PPARG: variants seen among roughly 807,000 people sequenced by gnomAD.
PPARG encodes peroxisome proliferator activated receptor gamma.
Under a neutral mutation model 39.2 loss-of-function variants are expected in PPARG, and 17 were observed. That is an observed-to-expected ratio of 0.43 (90% CI 0.30 to 0.65). The LOEUF is 0.65. Ranked by LOEUF, PPARG falls within the 30% of genes least tolerant of loss-of-function variation. The pLI is 0.13. For missense variants in PPARG, 406 were observed against 585.9 expected, an observed-to-expected ratio of 0.69 and a Z score of 3.17; for synonymous variants, 223 against 215.7, an observed-to-expected ratio of 1.03 and a Z score of -0.30.
At chr3:12,287,966 G>C (rs2046549766), upstream of PPARG, 1 of 150,318 alleles carries the variant, frequency 6.7e-6, no homozygotes, top group Non-Finnish European at 1.5e-5. Context: ...CGCCTGGGGC[G>C]CTTGGGTCGG....
At position 12,350,868 on chromosome 3, in the gene PPARG, G is replaced by T. The variant is rs545319806; in HGVS notation, c.-8-28836G>T. ...CTGAAGTTTTTAAGAAAGCAAACCC[G>T]ATGTATAAAATTGAAACCATATCAA... On this transcript the variant is annotated intron_variant, in intron 2 of 7. Coordinates refer to ENST00000651735, the MANE Select transcript of PPARG (RefSeq NM_138711.6). Among the ~76,000 whole-genome samples, 5 of 152,228 alleles carry T rather than the reference G, an allele frequency of 3.3e-5. No homozygotes were observed. In the South Asian group the frequency reaches 1.0e-3, roughly 32 times the overall value.
intron 2 of PPARG, among the ~76,000 whole-genome samples, chr3:12,334,031 A>G (rs1423825312): frequency 6.6e-6 from 1 of 152,164 alleles, no homozygotes; most frequent in African/African-American, 2.4e-5. Context: ...GCAATTCTTA[A>G]TTCAAATCAT....
intron 2 of PPARG, among the ~76,000 whole-genome samples, chr3:12,359,401 A>C (rs2125112837): frequency 6.6e-6 from 1 of 152,312 alleles, no homozygotes; most frequent in East Asian, 1.9e-4. Context: ...GTTGATACAA[A>C]GAAAACATTA....
At chr3:12,422,881 CAA>C (rs11287877) in intron 7 of PPARG, among the ~76,000 whole-genome samples, 34 of 140,964 alleles carry the variant, frequency 2.4e-4, no homozygotes, top group South Asian at 2.3e-4. Flanking sequence ...GATCCTGTCT[CAA>C]AAAAAAAAAA....
chr3:12,379,763 G>C lies in PPARG; in HGVS notation c.52G>C (p.Val18Leu). 1 of 1,613,976 alleles carries C rather than the reference G, an allele frequency of 6.2e-7. No individual in the cohort carries two copies. Among genetic ancestry groups the C allele is most frequent in the South Asian group, 1.1e-5 (1 of 91,086 alleles). ...GCCCACCAACTTTGGGATCAGCTCC[G>C]TGGATCTCTCCGTAATGGAAGACCA... The part of the protein sequence containing the change: ...FWPTNFGISS[V>L]DLSVMEDHSH... The change falls in exon 3 of 8, where the codon GTG becomes CTG. Residue 18 changes from valine (V) to leucine (L), a missense_variant. By Grantham distance (32) the Val-to-Leu change is conservative. Transcript: ENST00000651735.
At chr3:12,292,636 T>C (rs1422513298) in intron 1 of PPARG, among the ~76,000 whole-genome samples, 1 of 152,230 alleles carries the variant, frequency 6.6e-6, no homozygotes, top group Non-Finnish European at 1.5e-5. Context: ...TAATAAATTT[T>C]AAATTCTTCG....
chr3:12,308,730 C>A (rs1035198059), intron 1 of PPARG, among the ~76,000 whole-genome samples: 1 of 151,944 alleles, frequency 6.6e-6, no homozygotes, highest in African/African-American at 2.4e-5. Flanking sequence ...AATTGGCAAA[C>A]ACTACCAATC....
intron 4 of PPARG, among the ~76,000 whole-genome samples, chr3:12,384,781 G>A (rs1047687499): frequency 1.3e-5 from 2 of 152,118 alleles, no homozygotes; most frequent in Non-Finnish European, 2.9e-5. Context: ...GCTACATGAT[G>A]TAGGATGATG....
intron 7 of PPARG, among the ~76,000 whole-genome samples, chr3:12,425,279 C>G (rs755460465): frequency 6.6e-6 from 1 of 152,168 alleles, no homozygotes; most frequent in African/African-American, 2.4e-5. Flanking sequence ...TTGGGGACTT[C>G]ATGTGTTTAG....
intron 7 of PPARG, 85 bp from the exon 8 acceptor site, chr3:12,433,813 G>T (rs2051754620): frequency 6.3e-7 from 1 of 1,594,524 alleles, no homozygotes; most frequent in African/African-American, 1.3e-5. Context: ...GAGTTGCTTG[G>T]TAGAGCTGCC....
chr3:12,415,035 A>G (rs1257024621), intron 6 of PPARG, among the ~76,000 whole-genome samples: 1 of 152,242 alleles, frequency 6.6e-6, no homozygotes, highest in Non-Finnish European at 1.5e-5. Flanking sequence ...AGAGTTCCAT[A>G]GATATGAATA....
intron 2 of PPARG, among the ~76,000 whole-genome samples, chr3:12,342,314 T>C (rs1025177350): frequency 6.6e-6 from 1 of 152,144 alleles, no homozygotes; most frequent in African/African-American, 2.4e-5. Context: ...AATTAGTCAG[T>C]GGCCTTAAAA....
chr3:12,375,462 A>C (rs2049373896), intron 2 of PPARG, among the ~76,000 whole-genome samples: 1 of 152,238 alleles, frequency 6.6e-6, no homozygotes, highest in South Asian at 2.1e-4. Context: ...TCACTTTGTC[A>C]GCCTTTATTC....
intron 6 of PPARG, among the ~76,000 whole-genome samples, chr3:12,411,478 A>G (rs1351515467): frequency 1.3e-5 from 2 of 152,214 alleles, no homozygotes; most frequent in Non-Finnish European, 2.9e-5. Context: ...CCCTGCCCCA[A>G]GACCCCAGCA....
At chr3:12,288,675 G>A (rs1297792858), upstream of PPARG, among the ~76,000 whole-genome samples, 1 of 152,102 alleles carries the variant, frequency 6.6e-6, no homozygotes, top group African/African-American at 2.4e-5. Context: ...AGCGAGGGGC[G>A]CGCTTGTAGC....
In PPARG at chr3:12,375,245, G is replaced by GGAGA. The variant is rs141166078; in HGVS notation, c.-8-4437_-8-4434dup. Among the ~76,000 whole-genome samples the GGAGA allele has an allele frequency of 6.0e-4, 89 of 147,984 alleles. 1 individual carries two copies. The East Asian group carries it at 0.011, about 18-fold the overall frequency. ...CTTTAAAAGTGAGGTTGGGGAGGTGGGAGAGAGAGAGAGAGAGAGAGAGAG... is the reference window on the plus strand; with the variant it reads ...CTTTAAAAGTGAGGTTGGGGAGGTGGGAGAGAGAGAGAGAGAGAGAGAGAGAGAG... On this transcript the variant is annotated intron_variant, in intron 2 of 7. Coordinates refer to ENST00000651735, the MANE Select transcript of PPARG (RefSeq NM_138711.6).
intron 5 of PPARG, among the ~76,000 whole-genome samples, chr3:12,398,199 T>C (rs1575113722): frequency 6.8e-6 from 1 of 147,710 alleles, no homozygotes; most frequent in South Asian, 2.1e-4. Flanking sequence ...GTAAAAATGA[T>C]AGAGAAAAGA....
At chr3:12,398,793 G>A (rs550198219) in intron 5 of PPARG, among the ~76,000 whole-genome samples, 1 of 152,356 alleles carries the variant, frequency 6.6e-6, no homozygotes, top group South Asian at 2.1e-4. Context: ...GAGGCCATTA[G>A]TTCTGGCCGA....
intron 4 of PPARG, among the ~76,000 whole-genome samples, chr3:12,385,183 C>G (rs532145179): frequency 3.1e-4 from 47 of 152,252 alleles, no homozygotes; most frequent in African/African-American, 1.0e-3. Flanking sequence ...GTTTTGGAAG[C>G]TTCACATTTG....
Sources: gnomAD v4.1 joint callset for allele counts (sites outside exome capture counted in the v4.1 genomes callset) on GRCh38, gnomAD v4.1.1 for gene constraint, MANE v1.5 for transcripts, NCBI Gene and HGNC (gene_info 2026-07-23, HGNC 2026-07-21) for gene names.